The following ETV6 variants were observed in gnomAD, a reference collection of about 807,000 sequenced individuals.
ETV6 encodes the protein ETS variant transcription factor 6.
In ETV6, 16 loss-of-function variants were observed where a neutral mutation model predicts 51.1. That is an observed-to-expected ratio of 0.31 (90% CI 0.21 to 0.48). The LOEUF is 0.48. Ranked by LOEUF, ETV6 falls within the 20% of genes least tolerant of loss-of-function variation. The pLI, the probability that ETV6 is intolerant of heterozygous loss-of-function variation, is 0.99. For synonymous variants in ETV6, 240 were observed against 224.1 expected, an observed-to-expected ratio of 1.07 and a Z score of -0.64; for missense variants, 458 against 594.8, an observed-to-expected ratio of 0.77 and a Z score of 2.39.
At chr12:11,767,031 T>C (rs1003353154) in intron 2 of ETV6, among the ~76,000 whole-genome samples, 7 of 152,200 alleles carry the variant, frequency 4.6e-5, no homozygotes, top group African/African-American at 1.7e-4. Flanking sequence ...TTTTTTTCTT[T>C]AATGGAACAG....
At chr12:11,719,536 C>G (rs1865342994) in intron 1 of ETV6, among the ~76,000 whole-genome samples, 1 of 152,162 alleles carries the variant, frequency 6.6e-6, no homozygotes, top group Non-Finnish European at 1.5e-5. Flanking sequence ...AAGGAAGGAC[C>G]AGCTGACAAG....
chr12:11,862,801 G>A (rs565959530), intron 4 of ETV6, among the ~76,000 whole-genome samples: 1 of 152,336 alleles, frequency 6.6e-6, no homozygotes, highest in African/African-American at 2.4e-5. Context: ...AATTTTGGGG[G>A]AGAGATAGTC....
chr12:11,650,181 T>C lies in ETV6; in HGVS notation c.33+21T>C, dbSNP rs200061615. On this transcript the variant is annotated intron_variant, in intron 1 of 7. Transcript: ENST00000396373. Reference sequence around the variant, plus strand: ...TTAAGGTAAAAATCTTCTCCCCTCCTTCTACGTGGTGGAAACCCTGAGCTG... The same window carrying C: ...TTAAGGTAAAAATCTTCTCCCCTCCCTCTACGTGGTGGAAACCCTGAGCTG... 23 of 1,609,794 alleles carry C rather than the reference T, an allele frequency of 1.4e-5. No individual in the cohort carries two copies. In the African/African-American group the frequency reaches 2.9e-4, roughly 21 times the overall value.
At chr12:11,733,535 A>G (rs1349615459) in intron 1 of ETV6, among the ~76,000 whole-genome samples, 1 of 152,082 alleles carries the variant, frequency 6.6e-6, no homozygotes, top group African/African-American at 2.4e-5. Flanking sequence ...CAGAGGGTAC[A>G]GAGAAGGTGT....
At chr12:11,777,946 A>C (rs1204906071) in intron 2 of ETV6, among the ~76,000 whole-genome samples, 1 of 152,180 alleles carries the variant, frequency 6.6e-6, no homozygotes, top group Non-Finnish European at 1.5e-5. Flanking sequence ...AAGAGCTGGG[A>C]CTGTGCCAGA....
Position 11,689,816 on chromosome 12 carries a change from C to G in ETV6, c.33+39656C>G, listed in dbSNP as rs995014221. Among the ~76,000 whole-genome samples, 84 of 102,004 alleles carry G rather than the reference C, an allele frequency of 8.2e-4. 4 individuals are homozygous for G. Among genetic ancestry groups the G allele is most frequent in the East Asian group, 1.1e-3 (3 of 2,748 alleles). 66.9% of individuals were successfully genotyped at this position (102,004 alleles called of 152,430 possible). The stretch of plus-strand genomic sequence containing the variant: ...ACTGGGAGTCTTTTTCCCTCCCCCC[C>G]CCCCCCACCCCCCTTTGTCTTTTTC... On this transcript the variant is annotated intron_variant, in intron 1 of 7. Coordinates refer to ENST00000396373, the MANE Select transcript of ETV6 (RefSeq NM_001987.5).
intron 6 of ETV6, 53 bp from the exon 7 acceptor site, chr12:11,885,873 C>T: frequency 1.5e-6 from 2 of 1,348,904 alleles, no homozygotes; most frequent in Non-Finnish European, 2.1e-6. Flanking sequence ...TTCTGAGGTT[C>T]ATTTCATTGT....
chr12:11,836,571 T>A (rs955454021), intron 2 of ETV6, among the ~76,000 whole-genome samples: 3 of 152,176 alleles, frequency 2.0e-5, no homozygotes, highest in Non-Finnish European at 4.4e-5. Context: ...GAGAAACTGT[T>A]GTGCTTAACC....
intron 2 of ETV6, among the ~76,000 whole-genome samples, chr12:11,791,502 T>C (rs1235009732): frequency 6.6e-6 from 1 of 152,242 alleles, no homozygotes; most frequent in East Asian, 1.9e-4. Context: ...CCAGTACAAC[T>C]TGAGTCACAC....
intron 1 of ETV6, among the ~76,000 whole-genome samples, chr12:11,738,912 C>G (rs1865759309): frequency 6.6e-6 from 1 of 152,212 alleles, no homozygotes; most frequent in East Asian, 1.9e-4. Flanking sequence ...TTTTAGGTGT[C>G]TCCGAAGTGT....
At chr12:11,786,844 A>G (rs1266305353) in intron 2 of ETV6, among the ~76,000 whole-genome samples, 1 of 152,236 alleles carries the variant, frequency 6.6e-6, no homozygotes, top group Non-Finnish European at 1.5e-5. Context: ...AAGAGAGCAG[A>G]TGCCAATCCC....
chr12:11,832,196 G>T (rs545280682), intron 2 of ETV6, among the ~76,000 whole-genome samples: 20 of 152,346 alleles, frequency 1.3e-4, no homozygotes, highest in Admixed American at 5.9e-4. Flanking sequence ...TGCTGATGGG[G>T]TTGGATGGGG....
chr12:11,824,167 A>G (rs1946121024), intron 2 of ETV6, among the ~76,000 whole-genome samples: 2 of 152,190 alleles, frequency 1.3e-5, no homozygotes, highest in Admixed American at 1.3e-4. Flanking sequence ...AACTCTCAGA[A>G]TCCCCACGGA....
rs1167708892 is a variant in ETV6 at position 11,869,778 on chromosome 12, T to C, written c.818T>C (p.Ile273Thr). ...TRVIQLMPSP[I>T]MHPLILNPRH... ...GTGATCCAGCTGATGCCCAGCCCCA[T>C]CATGCACCCTCTGATCCTGAACCCC... The change falls in exon 5 of 8, where the codon ATC becomes ACC. Residue 273 changes from isoleucine (I) to threonine (T), a missense_variant. By Grantham distance (89) the Ile-to-Thr change is moderately conservative. Around this residue, in one of 4 missense-constraint regions of ETV6, gnomAD observed 293 missense variants for 315.7 expected, o/e 0.93. Coordinates refer to ENST00000396373, the MANE Select transcript of ETV6 (RefSeq NM_001987.5). This position sits in a 1 kb window ranked among gnomAD's most constrained non-coding sequence, Gnocchi z 5.0. 5.6e-6 allele frequency: 9 copies of C among 1,613,258 alleles called. No homozygotes were observed. The highest frequency in any genetic ancestry group is 7.6e-6 in the Non-Finnish European group (9 of 1,179,994).
At chr12:11,670,154 A>G (rs750148001) in intron 1 of ETV6, among the ~76,000 whole-genome samples, 2 of 152,206 alleles carry the variant, frequency 1.3e-5, no homozygotes, top group African/African-American at 2.4e-5. Flanking sequence ...ATCAGTTTTC[A>G]TGGCCAAAAT....
At chr12:11,726,487 A>T (rs1473868350) in intron 1 of ETV6, among the ~76,000 whole-genome samples, 16 of 152,218 alleles carry the variant, frequency 1.1e-4, no homozygotes, top group Admixed American at 1.0e-3. Context: ...AAATAATTTA[A>T]AAGTACAGGG....
At chr12:11,888,417 A>G (rs1171187200) in intron 7 of ETV6, among the ~76,000 whole-genome samples, 2 of 65,712 alleles carry the variant, frequency 3.0e-5, no homozygotes, top group Non-Finnish European at 6.8e-5. Context: ...TTTTTTTTAG[A>G]CAGAGCCTTG....
At chr12:11,793,771 A>G (rs1162348992) in intron 2 of ETV6, among the ~76,000 whole-genome samples, 1 of 152,178 alleles carries the variant, frequency 6.6e-6, no homozygotes, top group Non-Finnish European at 1.5e-5. Flanking sequence ...TCTTACTTGT[A>G]TTTCCCAGGC....
At position 11,893,833 on chromosome 12, in the gene ETV6, TATATATATAC is replaced by T. The variant is rs1381161415; in HGVS notation, c.*2789_*2798del. 0.047 allele frequency: 2,644 copies of T among 56,666 alleles called. 126 individuals carry two copies. Among genetic ancestry groups the T allele is most frequent in the Non-Finnish European group, 0.063 (1,784 of 28,300 alleles). 3.5% of individuals were successfully genotyped at this position (56,666 alleles called of 1,614,324 possible). ...ATATATATATATATATATATATATA[TATATATATAC>T]ACACACACACACATACACAAATATT... On this transcript the variant is annotated 3_prime_UTR_variant, in exon 8 of 8. Transcript: ENST00000396373.
Sources: gnomAD v4.1 joint callset for allele counts (sites outside exome capture counted in the v4.1 genomes callset) on GRCh38, gnomAD v4.1.1 for gene constraint, gnomAD v4.1.1 regional missense constraint, Gnocchi (gnomAD v3.1) non-coding constraint, MANE v1.5 for transcripts, NCBI Gene and HGNC (gene_info 2026-07-23, HGNC 2026-07-21) for gene names.